The following JARID2 variants were observed in gnomAD, a reference collection of about 807,000 sequenced individuals.
The protein encoded by JARID2 is jumonji and AT-rich interaction domain containing 2.
A neutral mutation model predicts 125.6 loss-of-function variants in JARID2; 21 were observed. That is an observed-to-expected ratio of 0.17 (90% CI 0.12 to 0.24). The LOEUF is 0.24. JARID2 is among the 10% of genes least tolerant of loss of function. The pLI, the probability that JARID2 is intolerant of heterozygous loss-of-function variation, is 1.00. For missense variants in JARID2, 1,303 were observed against 1,639.6 expected (o/e 0.79, Z 3.55); for synonymous variants, 736 against 661.6 (o/e 1.11, Z -1.73).
chr6:15,404,694 C>T (rs1479505089), intron 2 of JARID2, among the ~76,000 whole-genome samples: 1 of 152,178 alleles, frequency 6.6e-6, no homozygotes, highest in Admixed American at 6.5e-5. Context: ...ACAGAATTAC[C>T]TTTTGTGCAT....
intron 2 of JARID2, among the ~76,000 whole-genome samples, chr6:15,407,850 C>T (rs1322947503): frequency 6.6e-6 from 1 of 152,140 alleles, no homozygotes; most frequent in African/African-American, 2.4e-5. Flanking sequence ...ACCTGTATCC[C>T]CAGTGCCCTG....
intron 1 of JARID2, among the ~76,000 whole-genome samples, chr6:15,256,606 C>T (rs1759675353): frequency 1.2e-5 from 1 of 81,762 alleles, no homozygotes; most frequent in Non-Finnish European, 2.8e-5. Flanking sequence ...TTCACACATC[C>T]GGGGCTTCAG....
chr6:15,406,441 G>A (rs1765653950), intron 2 of JARID2, among the ~76,000 whole-genome samples: 1 of 152,160 alleles, frequency 6.6e-6, no homozygotes, highest in Non-Finnish European at 1.5e-5. Flanking sequence ...TCAAGGTCGG[G>A]GGAGAGGGGA....
At chr6:15,314,263 A>C (rs1189725949) in intron 1 of JARID2, among the ~76,000 whole-genome samples, 1 of 152,162 alleles carries the variant, frequency 6.6e-6, no homozygotes, top group Non-Finnish European at 1.5e-5. Context: ...AACATTTGCC[A>C]CTACTTCAAA....
At chr6:15,283,067 C>T (rs1760824890) in intron 1 of JARID2, among the ~76,000 whole-genome samples, 1 of 151,922 alleles carries the variant, frequency 6.6e-6, no homozygotes, top group Non-Finnish European at 1.5e-5. Context: ...TAAGCTCTGC[C>T]TCCCGGGTTC....
intron 1 of JARID2, among the ~76,000 whole-genome samples, chr6:15,283,209 A>T (rs1760839513): frequency 6.9e-6 from 1 of 144,650 alleles, no homozygotes; most frequent in Non-Finnish European, 1.5e-5. Flanking sequence ...CGATCTGCCG[A>T]CCTTGTGATC....
In JARID2 at chr6:15,261,682, A is replaced by C. The variant is rs556295350; in HGVS notation, c.45+15098A>C. Among the ~76,000 whole-genome samples the C allele has an allele frequency of 3.3e-5, 5 of 151,288 alleles. 1 individual carries two copies. In the East Asian group the frequency reaches 9.8e-4, roughly 30 times the overall value. ...CAGCAGCAAGTAATCCTCCTTGCTG[A>C]GTGTTAAAAGATTTCTAAAGTTGAT... On this transcript the variant is annotated intron_variant, in intron 1 of 17. Transcript: ENST00000341776.
intron 2 of JARID2, among the ~76,000 whole-genome samples, chr6:15,400,563 TC>T (rs1256232814): frequency 3.3e-5 from 5 of 151,882 alleles, no homozygotes; most frequent in African/African-American, 4.8e-5. Context: ...AATGTCCCCC[TC>T]CCCCCATATG....
intron 1 of JARID2, among the ~76,000 whole-genome samples, chr6:15,349,386 G>C (rs915503791): frequency 6.6e-6 from 1 of 152,200 alleles, no homozygotes; most frequent in African/African-American, 2.4e-5. Context: ...CGTGTGTGAA[G>C]TGGGCCTAAC....
chr6:15,376,812 G>C (rs946841485), intron 2 of JARID2, among the ~76,000 whole-genome samples: 1 of 152,196 alleles, frequency 6.6e-6, no homozygotes, highest in Admixed American at 6.5e-5. Context: ...CTGGAAAACA[G>C]AATTGGTATC....
intron 1 of JARID2, among the ~76,000 whole-genome samples, chr6:15,306,616 G>A (rs1761837468): frequency 6.6e-6 from 1 of 151,840 alleles, no homozygotes; most frequent in African/African-American, 2.4e-5. Flanking sequence ...GGGATTACAG[G>A]CGTGAGTCAC....
chr6:15,430,107 C>G (rs1288453019), intron 3 of JARID2, among the ~76,000 whole-genome samples: 6 of 152,188 alleles, frequency 3.9e-5, no homozygotes, highest in Non-Finnish European at 7.3e-5. Context: ...TGGACTCTTT[C>G]AAATATAAAA....
chr6:15,398,201 G>A (rs1427552950), intron 2 of JARID2, among the ~76,000 whole-genome samples: 2 of 152,146 alleles, frequency 1.3e-5, no homozygotes, highest in South Asian at 2.1e-4. Context: ...GTTTGGCAGC[G>A]GGTTCACAGA....
rs780207909 is a variant in JARID2, at chr6:15,497,031, C to T, written c.1806C>T (p.Asn602=). Residue 602 remains asparagine, a synonymous_variant, in exon 7 of 18, where the codon AAC becomes AAT. Transcript: ENST00000341776. ...ACTGGCGGCCCGAGTGCAAGCTCAA[C>T]GATGAGATGCGGTTTGTCACGCAGA... ...PPDWRPECKL[N]DEMRFVTQIQ... The T allele has an allele frequency of 6.2e-6, 10 of 1,613,042 alleles. No individual in the cohort carries two copies. Among genetic ancestry groups the T allele is most frequent in the Non-Finnish European group, 7.6e-6 (9 of 1,179,532 alleles).
At chr6:15,507,694 G>A (rs1372736780) in intron 11 of JARID2, among the ~76,000 whole-genome samples, 1 of 152,220 alleles carries the variant, frequency 6.6e-6, no homozygotes, top group African/African-American at 2.4e-5. Context: ...TGCTTTCAAA[G>A]CTGAAGTCAC....
chr6:15,443,338 G>T (rs1767526842), intron 3 of JARID2, among the ~76,000 whole-genome samples: 1 of 152,152 alleles, frequency 6.6e-6, no homozygotes, highest in African/African-American at 2.4e-5. Context: ...GCCTAAATGA[G>T]TTACTCCTCA....
intron 5 of JARID2, among the ~76,000 whole-genome samples, chr6:15,477,889 C>T (rs1171798002): frequency 6.6e-6 from 1 of 152,146 alleles, no homozygotes; most frequent in Non-Finnish European, 1.5e-5. Context: ...TCTCAAATGC[C>T]TGGGGCACGA....
chr6:15,508,483 G>C (rs763320494), intron 12 of JARID2, 29 bp downstream of exon 12: 2 of 1,193,666 alleles, frequency 1.7e-6, no homozygotes, highest in Non-Finnish European at 2.5e-6. Flanking sequence ...CGGGAAGGGA[G>C]GGACTGCAGA....
At chr6:15,299,884 G>T (rs967043942) in intron 1 of JARID2, among the ~76,000 whole-genome samples, 1 of 152,072 alleles carries the variant, frequency 6.6e-6, no homozygotes, top group Non-Finnish European at 1.5e-5. Flanking sequence ...ATCCTTTCTC[G>T]TACTTTACCC....
Sources: allele counts gnomAD v4.1 joint callset (sites outside exome capture counted in the v4.1 genomes callset), GRCh38; gene constraint gnomAD v4.1.1; transcripts MANE v1.5; gene names NCBI Gene and HGNC (gene_info 2026-07-23, HGNC 2026-07-21).